Variants in ARHGAP26 observed in about 807,000 individuals in gnomAD.
ARHGAP26 encodes the protein Rho GTPase activating protein 26.
Under a neutral mutation model 104.8 loss-of-function variants are expected in ARHGAP26, and 38 were observed. The observed-to-expected ratio is 0.36, with a 90% CI of 0.28 to 0.48. ARHGAP26 has a LOEUF of 0.48. Among genes scored for constraint, ARHGAP26 ranks in the 20% least tolerant of loss-of-function variants. The pLI is 0.99. For missense variants in ARHGAP26, 704 were observed against 947.9 expected (o/e 0.74, Z 3.38); for synonymous variants, 341 against 340.0 (o/e 1.00, Z -0.03).
chr5:143,025,218 G>T (rs1264692758), intron 12 of ARHGAP26, among the ~76,000 whole-genome samples: 3 of 152,158 alleles, frequency 2.0e-5, no homozygotes, highest in Non-Finnish European at 4.4e-5. Flanking sequence ...TATATGTGAG[G>T]GGAATGGGTC....
intron 5 of ARHGAP26, among the ~76,000 whole-genome samples, chr5:142,885,752 T>C (rs922006948): frequency 3.3e-5 from 5 of 152,242 alleles, no homozygotes; most frequent in Admixed American, 6.5e-5. Context: ...ACTTTACCTT[T>C]TGACTTCCTG....
chr5:143,050,894 A>T (rs1784919095), intron 14 of ARHGAP26, among the ~76,000 whole-genome samples: 1 of 152,188 alleles, frequency 6.6e-6, no homozygotes, highest in African/African-American at 2.4e-5. Flanking sequence ...CCTCTGCTCC[A>T]GCCACCATCA....
At chr5:142,813,701 A>C (rs537930751) in intron 1 of ARHGAP26, among the ~76,000 whole-genome samples, 4 of 152,198 alleles carry the variant, frequency 2.6e-5, no homozygotes, top group East Asian at 3.9e-4. Flanking sequence ...CTTTTCTTAT[A>C]AGGTCACCAT....
At chr5:143,013,059 T>C (rs745887938) in intron 11 of ARHGAP26, among the ~76,000 whole-genome samples, 15 of 152,144 alleles carry the variant, frequency 9.9e-5, no homozygotes, top group Non-Finnish European at 2.1e-4. Context: ...CACCACCTTC[T>C]TTTGTAGAGC....
chr5:143,055,360 A>G (rs913155695), intron 15 of ARHGAP26, among the ~76,000 whole-genome samples: 1 of 152,250 alleles, frequency 6.6e-6, no homozygotes, highest in African/African-American at 2.4e-5. Flanking sequence ...AGAGTAAGAT[A>G]TAATGTAAGT....
At chr5:142,935,190 C>T (rs906367578) in intron 11 of ARHGAP26, among the ~76,000 whole-genome samples, 5 of 152,176 alleles carry the variant, frequency 3.3e-5, no homozygotes, top group African/African-American at 1.2e-4. Context: ...TGTGGCTCAT[C>T]CGAATCTGGG....
Position 142,958,657 on chromosome 5 carries a change from A to G in ARHGAP26, c.1107+26532A>G, listed in dbSNP as rs1270365832. On this transcript the variant is annotated intron_variant, in intron 11 of 22. Transcript: ENST00000645722. ...ACTCCAGCCTGAGCTACAGAGCAAG[A>G]CCCTGTCTTGAAAAACAAAACAGTA... Among the ~76,000 whole-genome samples, 3 of 152,202 alleles carry G rather than the reference A, an allele frequency of 2.0e-5. No individual in the cohort carries two copies. The East Asian group carries it at 5.8e-4, about 29-fold the overall frequency.
At chr5:142,819,279 C>A (rs550765714) in intron 1 of ARHGAP26, among the ~76,000 whole-genome samples, 4 of 152,198 alleles carry the variant, frequency 2.6e-5, no homozygotes, top group African/African-American at 9.6e-5. Flanking sequence ...GCAGATTGGC[C>A]CCAGTAGGTC....
chr5:142,855,312 G>A (rs1039806014), intron 1 of ARHGAP26, among the ~76,000 whole-genome samples: 7 of 152,202 alleles, frequency 4.6e-5, no homozygotes, highest in African/African-American at 1.7e-4. Flanking sequence ...TCGAATACCA[G>A]ATGCATTTAG....
chr5:143,180,966 A>G (rs1804247951), intron 20 of ARHGAP26, among the ~76,000 whole-genome samples: 1 of 152,152 alleles, frequency 6.6e-6, no homozygotes, highest in South Asian at 2.1e-4. Flanking sequence ...TGTTTCCATG[A>G]ATTCCATCTG....
intron 20 of ARHGAP26, among the ~76,000 whole-genome samples, chr5:143,163,027 A>T (rs1716237886): frequency 6.6e-6 from 1 of 151,858 alleles, no homozygotes; most frequent in East Asian, 1.9e-4. Flanking sequence ...TGAGGGGAGG[A>T]TTGTTTGAGT....
chr5:142,821,310 T>G (rs1351526880), intron 1 of ARHGAP26, among the ~76,000 whole-genome samples: 5 of 149,520 alleles, frequency 3.3e-5, no homozygotes, highest in African/African-American at 7.4e-5. Flanking sequence ...GTTTTTTTTT[T>G]TTTTTTTTTT....
chr5:143,216,832 A>T (rs1030738485), intron 22 of ARHGAP26: 1 of 153,276 alleles, frequency 6.5e-6, no homozygotes, highest in African/African-American at 2.4e-5. Flanking sequence ...ACCTGACAAA[A>T]CGTTAGTACA....
chr5:143,185,076 C>T (rs1442945574), intron 20 of ARHGAP26, among the ~76,000 whole-genome samples: 1 of 152,138 alleles, frequency 6.6e-6, no homozygotes, highest in Non-Finnish European at 1.5e-5. Context: ...GGGTAGTTTT[C>T]ACACAGCCAT....
At chr5:142,960,472 G>A (rs1017088837) in intron 11 of ARHGAP26, among the ~76,000 whole-genome samples, 4 of 152,224 alleles carry the variant, frequency 2.6e-5, no homozygotes, top group African/African-American at 9.6e-5. Flanking sequence ...CGCCCAGAGC[G>A]TGAATCATCC....
intron 11 of ARHGAP26, among the ~76,000 whole-genome samples, chr5:143,004,196 G>C (rs1777617047): frequency 6.6e-6 from 1 of 152,070 alleles, no homozygotes; most frequent in South Asian, 2.1e-4. Flanking sequence ...TGTTGTTATA[G>C]GTAAATTTTC....
chr5:142,864,398 G>A (rs796489390), intron 1 of ARHGAP26, among the ~76,000 whole-genome samples: 4 of 152,282 alleles, frequency 2.6e-5, no homozygotes, highest in African/African-American at 4.8e-5. Context: ...CTTTGAGTTC[G>A]TTTAGTTAAA....
intron 1 of ARHGAP26, among the ~76,000 whole-genome samples, chr5:142,836,040 G>A (rs906383855): frequency 6.6e-6 from 1 of 152,198 alleles, no homozygotes; most frequent in African/African-American, 2.4e-5. Context: ...CCAGGGCATT[G>A]GTACCCTTTC....
intron 17 of ARHGAP26, among the ~76,000 whole-genome samples, chr5:143,106,629 C>T (rs562746834): frequency 4.0e-4 from 61 of 152,060 alleles, no homozygotes; most frequent in African/African-American, 1.2e-3. Context: ...CGTGGCACCA[C>T]GCCCAGCTAA....
Sources: gnomAD v4.1 joint callset for allele counts (sites outside exome capture counted in the v4.1 genomes callset) on GRCh38, gnomAD v4.1.1 for gene constraint, MANE v1.5 for transcripts, NCBI Gene and HGNC (gene_info 2026-07-23, HGNC 2026-07-21) for gene names.